The following CCSER1 variants were observed in gnomAD, a reference collection of about 807,000 sequenced individuals.
The protein encoded by CCSER1 is serine-rich coiled-coil domain-containing protein 1.
Under a neutral mutation model 82.0 loss-of-function variants are expected in CCSER1, and 41 were observed. That is an observed-to-expected ratio of 0.50 (90% CI 0.39 to 0.65). The LOEUF (loss-of-function observed/expected upper bound fraction) is 0.65, where lower values mean the gene tolerates loss of function less well. Among genes scored for constraint, CCSER1 ranks in the 30% least tolerant of loss-of-function variants. CCSER1 has a pLI of 0.00. For missense variants in CCSER1, 1,119 were observed against 1,064.2 expected (o/e 1.05, Z -0.72); for synonymous variants, 414 against 383.9 (o/e 1.08, Z -0.92).
intron 7 of CCSER1, among the ~76,000 whole-genome samples, chr4:90,758,714 A>G (rs1326901777): frequency 6.6e-6 from 1 of 152,174 alleles, no homozygotes; most frequent in Non-Finnish European, 1.5e-5. Context: ...CCCTCTAACC[A>G]TAGGCTATTG....
chr4:90,895,448 C>T (rs542733067), intron 8 of CCSER1, among the ~76,000 whole-genome samples: 1 of 152,008 alleles, frequency 6.6e-6, no homozygotes, highest in South Asian at 2.1e-4. Context: ...ACAACTCAAA[C>T]TGGGTTGTTC....
chr4:90,167,190 G>A (rs1220195123), intron 1 of CCSER1, among the ~76,000 whole-genome samples: 3 of 152,106 alleles, frequency 2.0e-5, no homozygotes, highest in Admixed American at 6.6e-5. Flanking sequence ...AAATATTAAA[G>A]TATCAAGAAA....
intron 10 of CCSER1, among the ~76,000 whole-genome samples, chr4:91,404,063 T>C (rs893771713): frequency 6.6e-6 from 1 of 152,158 alleles, no homozygotes; most frequent in Non-Finnish European, 1.5e-5. Context: ...AATTATTGCC[T>C]CAATTTCAGA....
chr4:90,374,661 T>C (rs1193031867), intron 3 of CCSER1, among the ~76,000 whole-genome samples: 1 of 152,190 alleles, frequency 6.6e-6, no homozygotes, highest in African/African-American at 2.4e-5. Flanking sequence ...CCACTCATGG[T>C]ACATTGACAT....
chr4:90,470,616 T>C (rs1764229163), intron 5 of CCSER1, among the ~76,000 whole-genome samples: 1 of 152,148 alleles, frequency 6.6e-6, no homozygotes, highest in South Asian at 2.1e-4. Context: ...ACATGTTTTT[T>C]GCTTGACTCT....
intron 7 of CCSER1, chr4:90,781,234 C>G: frequency 2.0e-6 from 2 of 982,372 alleles, no homozygotes; most frequent in Non-Finnish European, 1.2e-6. Flanking sequence ...AACTATATCA[C>G]TCAGAATCTG....
intron 5 of CCSER1, among the ~76,000 whole-genome samples, chr4:90,516,852 G>A (rs1241520603): frequency 6.6e-6 from 1 of 152,078 alleles, no homozygotes; most frequent in Non-Finnish European, 1.5e-5. Context: ...TTTGGAACAG[G>A]GAGATTATAA....
rs1482711972 is a variant in CCSER1, at chr4:91,602,907, T to A, written c.*3850T>A. Among the ~76,000 whole-genome samples the A allele has an allele frequency of 6.6e-6, 1 of 152,102 alleles. No homozygotes were observed. The highest frequency in any genetic ancestry group is 1.5e-5 in the Non-Finnish European group (1 of 67,954). ...TCTAAGACTTGACTTTATTTAGGCA[T>A]TATTATCAGATCCTGTTATGTATTT... On this transcript the variant is annotated 3_prime_UTR_variant, in exon 11 of 11. Transcript: ENST00000509176.
At chr4:90,992,272 A>T (rs1474418487) in intron 9 of CCSER1, among the ~76,000 whole-genome samples, 1 of 152,066 alleles carries the variant, frequency 6.6e-6, no homozygotes, top group African/African-American at 2.4e-5. Context: ...AAGGTTTACT[A>T]AAAGCAGATA....
At chr4:91,148,177 C>A (rs1180877621) in intron 10 of CCSER1, among the ~76,000 whole-genome samples, 1 of 152,068 alleles carries the variant, frequency 6.6e-6, no homozygotes, top group East Asian at 1.9e-4. Flanking sequence ...ATCATAGCAA[C>A]CCTTAAAGAT....
At chr4:90,267,210 A>G (rs1725391292) in intron 1 of CCSER1, among the ~76,000 whole-genome samples, 1 of 150,854 alleles carries the variant, frequency 6.6e-6, no homozygotes, top group African/African-American at 2.5e-5. Flanking sequence ...CCCTGGCAGT[A>G]CATTCCATGG....
intron 6 of CCSER1, among the ~76,000 whole-genome samples, chr4:90,654,024 C>T (rs1362139454): frequency 6.6e-6 from 1 of 152,022 alleles, no homozygotes; most frequent in Non-Finnish European, 1.5e-5. Flanking sequence ...TACTTTTAAA[C>T]CATCAGATCT....
At chr4:90,300,497 GCA>G (rs1732890071) in intron 1 of CCSER1, among the ~76,000 whole-genome samples, 1 of 152,104 alleles carries the variant, frequency 6.6e-6, no homozygotes, top group Non-Finnish European at 1.5e-5. Context: ...GGTAGTACTT[GCA>G]TTTAAGTGCC....
chr4:90,198,846 A>C (rs764670647), intron 1 of CCSER1, among the ~76,000 whole-genome samples: 1 of 152,180 alleles, frequency 6.6e-6, no homozygotes, highest in South Asian at 2.1e-4. Flanking sequence ...TAGGATAGTT[A>C]TGCTAATATA....
chr4:91,125,024 C>A (rs1185294751), intron 10 of CCSER1, among the ~76,000 whole-genome samples: 1 of 151,468 alleles, frequency 6.6e-6, no homozygotes, highest in Non-Finnish European at 1.5e-5. Context: ...GGATGTAAGT[C>A]CTATAAGGAT....
At chr4:91,519,689 CCACT>C (rs750067891) in intron 10 of CCSER1, among the ~76,000 whole-genome samples, 11 of 152,268 alleles carry the variant, frequency 7.2e-5, no homozygotes, top group Non-Finnish European at 1.0e-4. Context: ...TTGGCATCTC[CCACT>C]CACTCACTAT....
chr4:91,045,480 C>T (rs906907498), intron 9 of CCSER1, among the ~76,000 whole-genome samples: 1 of 126,856 alleles, frequency 7.9e-6, no homozygotes, highest in African/African-American at 2.5e-5. Flanking sequence ...TATCCCTTAA[C>T]AATAACTAGT....
chr4:90,514,155 G>A (rs1005535247), intron 5 of CCSER1, among the ~76,000 whole-genome samples: 4 of 152,122 alleles, frequency 2.6e-5, no homozygotes, highest in Non-Finnish European at 4.4e-5. Flanking sequence ...AATTCAGCAG[G>A]AAATTGGGGA....
chr4:91,300,461 A>C (rs1299449528), intron 10 of CCSER1, among the ~76,000 whole-genome samples: 1 of 151,846 alleles, frequency 6.6e-6, no homozygotes, highest in Non-Finnish European at 1.5e-5. Flanking sequence ...TAAAAGAGTT[A>C]ATTGCTTTCA....
Sources: allele counts gnomAD v4.1 joint callset (sites outside exome capture counted in the v4.1 genomes callset), GRCh38; gene constraint gnomAD v4.1.1; transcripts MANE v1.5; gene names NCBI Gene and HGNC (gene_info 2026-07-23, HGNC 2026-07-21).